Variants in PEX5L observed in about 807,000 individuals in gnomAD.
The protein encoded by PEX5L is PEX5-related protein.
PEX5L carries 30 observed loss-of-function variants against 84.0 expected under a neutral mutation model. That is an observed-to-expected ratio of 0.36 (90% confidence interval 0.27 to 0.48). PEX5L has a LOEUF of 0.48. PEX5L is among the 20% of genes least tolerant of loss of function. PEX5L has a pLI of 0.99. For missense variants in PEX5L, 533 were observed against 754.6 expected, an observed-to-expected ratio of 0.71 and a Z score of 3.44; for synonymous variants, 270 against 283.1, an observed-to-expected ratio of 0.95 and a Z score of 0.46.
chr3:179,874,295 A>C (rs1345326054), intron 7 of PEX5L, 32 bp downstream of exon 7: 1 of 1,179,294 alleles, frequency 8.5e-7, no homozygotes, highest in African/African-American at 1.5e-5. Context: ...ATATAGGGAA[A>C]GATGTGTTCA....
intron 8 of PEX5L, among the ~76,000 whole-genome samples, chr3:179,853,104 A>G (rs971351403): frequency 6.6e-6 from 1 of 152,220 alleles, no homozygotes; most frequent in Non-Finnish European, 1.5e-5. Flanking sequence ...CATGAAACCC[A>G]TAATAACTAT....
intron 2 of PEX5L, among the ~76,000 whole-genome samples, chr3:179,901,152 T>C (rs1016741317): frequency 5.3e-5 from 8 of 152,210 alleles, no homozygotes; most frequent in African/African-American, 1.4e-4. Context: ...ACAATATAAC[T>C]GTGCAGGTTT....
intron 2 of PEX5L, among the ~76,000 whole-genome samples, chr3:179,955,486 T>C (rs1407051190): frequency 1.7e-4 from 26 of 151,774 alleles, no homozygotes; most frequent in East Asian, 5.8e-4. Context: ...CTCTTTTTTT[T>C]TTTTTTTTTT....
At chr3:179,941,320 C>A (rs1560820864) in intron 2 of PEX5L, among the ~76,000 whole-genome samples, 1 of 152,198 alleles carries the variant, frequency 6.6e-6, no homozygotes, top group African/African-American at 2.4e-5. Flanking sequence ...ATTCTGCAGC[C>A]ATTAAACAAG....
intron 2 of PEX5L, among the ~76,000 whole-genome samples, chr3:179,924,417 TTTTGG>T (rs950353709): frequency 1.3e-5 from 2 of 152,160 alleles, no homozygotes; most frequent in African/African-American, 4.8e-5. Context: ...GGATTGATGT[TTTTGG>T]AATGAATAAA....
intron 4 of PEX5L, among the ~76,000 whole-genome samples, chr3:179,880,381 A>T (rs932058916): frequency 6.6e-6 from 1 of 152,236 alleles, no homozygotes; most frequent in African/African-American, 2.4e-5. Context: ...GAATGAAATT[A>T]AAATGATCAA....
chr3:179,886,403 TA>T (rs11425640), intron 4 of PEX5L, among the ~76,000 whole-genome samples: 1 of 152,204 alleles, frequency 6.6e-6, no homozygotes, highest in Admixed American at 6.5e-5. Flanking sequence ...TGGTGTGATA[TA>T]AAAAAGTCAA....
At chr3:180,014,550 T>C (rs531603033) in intron 1 of PEX5L, among the ~76,000 whole-genome samples, 5 of 151,686 alleles carry the variant, frequency 3.3e-5, no homozygotes, top group Admixed American at 3.3e-4. Context: ...AACTTAAAGA[T>C]AAGCTTAGAG....
chr3:179,955,183 T>C (rs2110019369), intron 2 of PEX5L, among the ~76,000 whole-genome samples: 1 of 152,278 alleles, frequency 6.6e-6, no homozygotes, highest in African/African-American at 2.4e-5. Context: ...CAGGCCTTCC[T>C]CATGTCACAG....
intron 2 of PEX5L, among the ~76,000 whole-genome samples, chr3:179,941,176 ATT>A (rs1485787341): frequency 6.6e-6 from 1 of 152,266 alleles, no homozygotes; most frequent in African/African-American, 2.4e-5. Flanking sequence ...ACATTTTAAA[ATT>A]TGTTTATTTT....
chr3:179,952,446 A>C (rs765014121), intron 2 of PEX5L, among the ~76,000 whole-genome samples: 2 of 152,216 alleles, frequency 1.3e-5, no homozygotes, highest in African/African-American at 2.4e-5. Flanking sequence ...ATATAGCAGA[A>C]TGACAATGAG....
intron 2 of PEX5L, among the ~76,000 whole-genome samples, chr3:179,954,416 T>C (rs950227986): frequency 2.0e-5 from 3 of 152,188 alleles, no homozygotes; most frequent in East Asian, 3.9e-4. Flanking sequence ...GAGAACCCTC[T>C]GCTTGCCCTA....
intron 2 of PEX5L, among the ~76,000 whole-genome samples, chr3:179,940,206 A>G (rs1775691533): frequency 6.6e-6 from 1 of 152,080 alleles, no homozygotes; most frequent in Non-Finnish European, 1.5e-5. Flanking sequence ...GGAAGTGGGC[A>G]TGGCAGCATG....
intron 2 of PEX5L, among the ~76,000 whole-genome samples, chr3:179,907,920 T>A (rs935705255): frequency 4.6e-5 from 7 of 152,152 alleles, no homozygotes; most frequent in African/African-American, 1.7e-4. Context: ...GGTTCCCCAG[T>A]CACCAAATGT....
At chr3:179,953,359 G>A (rs7645533) in intron 2 of PEX5L, among the ~76,000 whole-genome samples, 109,823 of 152,086 alleles carry the variant, frequency 0.72, 40,348 homozygotes, top group East Asian at 0.89. Context: ...TCCATCTGAC[G>A]AAGGGCTAAT....
chr3:179,969,839 A>G (rs1385452757), intron 2 of PEX5L, among the ~76,000 whole-genome samples: 14 of 152,170 alleles, frequency 9.2e-5, no homozygotes, highest in Admixed American at 9.2e-4. Context: ...ATCCACCCTC[A>G]TTTGATCCAG....
intron 9 of PEX5L, among the ~76,000 whole-genome samples, chr3:179,817,136 C>G (rs1726444316): frequency 6.6e-6 from 1 of 152,192 alleles, no homozygotes; most frequent in African/African-American, 2.4e-5. Flanking sequence ...TTTGCCTTCA[C>G]CCTGAACCAG....
chr3:179,921,306 A>G (rs997872670), intron 2 of PEX5L, among the ~76,000 whole-genome samples: 12 of 152,178 alleles, frequency 7.9e-5, no homozygotes, highest in Non-Finnish European at 1.3e-4. Context: ...ACATTAGCCA[A>G]TAGCATGTCA....
intron 1 of PEX5L, among the ~76,000 whole-genome samples, chr3:180,024,539 C>T (rs1252460198): frequency 3.5e-5 from 4 of 114,144 alleles, no homozygotes; most frequent in South Asian, 2.7e-4. Context: ...AGCGAGACTC[C>T]GTTTCAAAAA....
Sources: gnomAD v4.1 joint callset for allele counts (sites outside exome capture counted in the v4.1 genomes callset) on GRCh38, gnomAD v4.1.1 for gene constraint, MANE v1.5 for transcripts, NCBI Gene and HGNC (gene_info 2026-07-23, HGNC 2026-07-21) for gene names.